Variants in OR9Q1 observed in about 807,000 individuals in gnomAD.
The protein encoded by OR9Q1 is olfactory receptor 9Q1.
For synonymous variants in OR9Q1, 153 were observed against 148.6 expected (o/e 1.03, Z -0.22); for missense variants, 374 against 378.8 (o/e 0.99, Z 0.11).
intron 2 of OR9Q1, among the ~76,000 whole-genome samples, chr11:58,151,264 T>A (rs1854349037): frequency 6.6e-6 from 1 of 152,202 alleles, no homozygotes; most frequent in Non-Finnish European, 1.5e-5. Context: ...CTCATACTCA[T>A]TTTCAGGCCC....
intron 2 of OR9Q1, among the ~76,000 whole-genome samples, chr11:58,140,283 T>G (rs563551721): frequency 3.0e-4 from 45 of 152,286 alleles, no homozygotes; most frequent in Non-Finnish European, 2.9e-4. Context: ...AGAAGCTCTT[T>G]AGTTTAATTA....
At chr11:58,109,370 C>T (rs1443217157) in intron 2 of OR9Q1, 2 of 458,964 alleles carry the variant, frequency 4.4e-6, no homozygotes, top group Non-Finnish European at 8.8e-6. Context: ...AACTGCACAG[C>T]ACGGCAGCCA....
At chr11:58,064,929 A>G (rs1853414084) in intron 2 of OR9Q1, among the ~76,000 whole-genome samples, 1 of 151,942 alleles carries the variant, frequency 6.6e-6, no homozygotes, top group Admixed American at 6.6e-5. Flanking sequence ...CACACACAAC[A>G]CACACGCACA....
rs774299593 is a variant in OR9Q1, at chr11:58,179,548, ATC to A, written c.107_108del (p.Leu36HisfsTer85). 6.2e-7 allele frequency: 1 copy of A among 1,613,160 alleles called. No homozygotes were observed. Among genetic ancestry groups the A allele is most frequent in the South Asian group, 1.1e-5 (1 of 90,946 alleles). Reference sequence around the variant, plus strand: ...CTCTTCCTCTTGTTTTTATTTATGTATCTCATCACCGTATTGGGGAACTTAGA... The same window carrying A: ...CTCTTCCTCTTGTTTTTATTTATGTATCATCACCGTATTGGGGAACTTAGA... On this transcript the variant is annotated frameshift_variant, in exon 3 of 3. Coordinates refer to ENST00000335397, the MANE Select transcript of OR9Q1 (RefSeq NM_001005212.4). LOFTEE classifies it low-confidence loss of function (END_TRUNC).
intron 2 of OR9Q1, among the ~76,000 whole-genome samples, chr11:58,065,398 AGG>A: frequency 5.3e-5 from 1 of 18,850 alleles, no homozygotes; most frequent in Non-Finnish European, 1.6e-4. Flanking sequence ...ACAAAAACTC[AGG>A]CATGCCTTTG....
chr11:58,025,480 T>G (rs1222107251), intron 1 of OR9Q1, among the ~76,000 whole-genome samples: 1 of 152,234 alleles, frequency 6.6e-6, no homozygotes, highest in Non-Finnish European at 1.5e-5. Flanking sequence ...ATTGCAGGCG[T>G]GAGCCACTGC....
intron 2 of OR9Q1, chr11:58,109,168 G>T (rs752290281): frequency 6.0e-6 from 3 of 496,370 alleles, no homozygotes; most frequent in Admixed American, 2.2e-5. Context: ...GAAGGAGAGG[G>T]TGAAGGTGCA....
At chr11:58,064,118 AT>A (rs1175756084) in intron 2 of OR9Q1, among the ~76,000 whole-genome samples, 1 of 152,144 alleles carries the variant, frequency 6.6e-6, no homozygotes, top group Non-Finnish European at 1.5e-5. Flanking sequence ...AGTTTGCCAA[AT>A]TTTTATTTTG....
intron 2 of OR9Q1, among the ~76,000 whole-genome samples, chr11:58,062,177 A>G (rs1358654479): frequency 6.6e-6 from 1 of 152,228 alleles, no homozygotes; most frequent in African/African-American, 2.4e-5. Flanking sequence ...GAAAGTGTCT[A>G]TCTGAAGCCA....
intron 2 of OR9Q1, among the ~76,000 whole-genome samples, chr11:58,148,684 A>G (rs965469002): frequency 6.6e-6 from 1 of 152,210 alleles, no homozygotes; most frequent in African/African-American, 2.4e-5. Flanking sequence ...CAAAAAAGGT[A>G]AGGCAGCTCT....
chr11:58,134,853 A>T (rs1475369552), intron 2 of OR9Q1, among the ~76,000 whole-genome samples: 1 of 152,144 alleles, frequency 6.6e-6, no homozygotes, highest in Non-Finnish European at 1.5e-5. Context: ...GACCTTTCTG[A>T]TTCTCACTTT....
chr11:58,118,677 G>A (rs544060276), intron 2 of OR9Q1: 2 of 1,613,994 alleles, frequency 1.2e-6, no homozygotes, highest in East Asian at 4.5e-5. Flanking sequence ...GATACATGAA[G>A]ATAAGGGCTC....
At chr11:58,078,873 G>C (rs988835039) in intron 2 of OR9Q1, among the ~76,000 whole-genome samples, 2 of 152,188 alleles carry the variant, frequency 1.3e-5, no homozygotes, top group Non-Finnish European at 2.9e-5. Flanking sequence ...CTTCCACAAA[G>C]ATGACAGGCT....
At chr11:58,045,255 C>T (rs1370410239) in intron 1 of OR9Q1, 1 of 152,068 alleles carries the variant, frequency 6.6e-6, no homozygotes, top group African/African-American at 2.4e-5. Flanking sequence ...TTTTTTGAGA[C>T]AGGACCTCAC....
At chr11:58,066,824 A>G (rs1853434498) in intron 2 of OR9Q1, among the ~76,000 whole-genome samples, 1 of 152,104 alleles carries the variant, frequency 6.6e-6, no homozygotes, top group South Asian at 2.1e-4. Context: ...AGTCAGAAAT[A>G]ATCCGGTGAT....
In OR9Q1 at chr11:58,118,909, CAGA is replaced by C. The variant is rs781432688; in HGVS notation, c.-14-60513_-14-60511del. 8 of 1,613,884 alleles carry C rather than the reference CAGA, an allele frequency of 5.0e-6. No homozygotes were observed. The Admixed American group carries it at 8.3e-5, about 17-fold the overall frequency. ...AAGCTTCAGCAGGGGTGGGAGGTCA[CAGA>C]AGAAGAAGTTTATTTGATTGTCCTT... On this transcript the variant is annotated intron_variant, in intron 2 of 2. Coordinates refer to ENST00000335397, the MANE Select transcript of OR9Q1 (RefSeq NM_001005212.4).
chr11:58,137,406 T>G (rs542721021), intron 2 of OR9Q1, among the ~76,000 whole-genome samples: 1 of 152,158 alleles, frequency 6.6e-6, no homozygotes, highest in South Asian at 2.1e-4. Context: ...TCTTCTACCC[T>G]CCCATCCCTG....
intron 1 of OR9Q1, among the ~76,000 whole-genome samples, chr11:58,055,165 G>A (rs1853315268): frequency 6.6e-6 from 1 of 151,008 alleles, no homozygotes; most frequent in African/African-American, 2.4e-5. Flanking sequence ...CTTCTCATCT[G>A]TAAAAAGGGG....
At chr11:58,134,614 T>G (rs955402206) in intron 2 of OR9Q1, among the ~76,000 whole-genome samples, 20 of 152,164 alleles carry the variant, frequency 1.3e-4, no homozygotes, top group African/African-American at 4.8e-4. Flanking sequence ...GGTCAGCACT[T>G]GAGCAGACTT....
Sources: allele counts gnomAD v4.1 joint callset (sites outside exome capture counted in the v4.1 genomes callset), GRCh38; gene constraint gnomAD v4.1.1; transcripts MANE v1.5; gene names NCBI Gene and HGNC (gene_info 2026-07-23, HGNC 2026-07-21).